CCDC158: variants seen among roughly 807,000 people sequenced by gnomAD.
CCDC158 encodes the protein coiled-coil domain-containing protein 158.
In CCDC158, 116 loss-of-function variants were observed where a neutral mutation model predicts 138.6. That is an observed-to-expected ratio of 0.84 (90% CI 0.72 to 0.98). The LOEUF is 0.98. CCDC158 is among the 50% of genes least tolerant of loss of function. The probability of loss-of-function intolerance (pLI) is 0.00; values close to 1 mark genes in which losing one functional copy is unlikely to be tolerated. For synonymous variants in CCDC158, 436 were observed against 442.4 expected (o/e 0.99, Z 0.18); for missense variants, 1,265 against 1,306.1 (o/e 0.97, Z 0.48).
intron 21 of CCDC158, among the ~76,000 whole-genome samples, chr4:76,330,672 T>C (rs2110099606): frequency 6.6e-6 from 1 of 152,294 alleles, no homozygotes; most frequent in South Asian, 2.1e-4. Flanking sequence ...AACTATACAA[T>C]ATAACAACTA....
intron 4 of CCDC158, among the ~76,000 whole-genome samples, chr4:76,388,573 A>T (rs2137149): frequency 0.63 from 96,099 of 151,974 alleles, 30,810 homozygotes; most frequent in East Asian, 0.79. Context: ...CGCAGTAGAA[A>T]AGAACATAAG....
intron 1 of CCDC158, among the ~76,000 whole-genome samples, chr4:76,419,073 T>G (rs1294491261): frequency 6.6e-6 from 1 of 152,252 alleles, no homozygotes; most frequent in Non-Finnish European, 1.5e-5. Flanking sequence ...CAATAATGAT[T>G]CAGCTAAGGT....
chr4:76,346,127 C>T (rs1180636409), intron 18 of CCDC158, among the ~76,000 whole-genome samples: 1 of 152,150 alleles, frequency 6.6e-6, no homozygotes, highest in African/African-American at 2.4e-5. Flanking sequence ...CCAACAAAAA[C>T]AAGAAATGGG....
intron 19 of CCDC158, among the ~76,000 whole-genome samples, chr4:76,333,415 C>G (rs1222626977): frequency 6.6e-6 from 1 of 152,168 alleles, no homozygotes; most frequent in Non-Finnish European, 1.5e-5. Context: ...AACCCACTCT[C>G]TGAAAGAATA....
At chr4:76,345,342 A>G (rs998297969) in intron 18 of CCDC158, 11 of 1,120,372 alleles carry the variant, frequency 9.8e-6, no homozygotes, top group Middle Eastern at 2.8e-4. Flanking sequence ...TGAGAACTCA[A>G]ACAAAGCTCT....
In CCDC158 at chr4:76,367,983, G is replaced by A. The variant is rs118139781; in HGVS notation, c.1348-207C>T. ...CCAGCCTCAAATGATCTCCTGCTTCGGCCTCCCAAAGTGCTGGGATTTCAG... is the reference window on the plus strand; with the variant it reads ...CCAGCCTCAAATGATCTCCTGCTTCAGCCTCCCAAAGTGCTGGGATTTCAG... On this transcript the variant is annotated intron_variant, in intron 11 of 24. Coordinates refer to ENST00000682701, the MANE Select transcript of CCDC158 (RefSeq NM_001394954.1). Among the ~76,000 whole-genome samples the A allele has an allele frequency of 2.5e-3, 374 of 151,280 alleles. 10 individuals carry two copies. In the East Asian group the frequency reaches 0.065, roughly 26 times the overall value.
Position 76,351,052 on chromosome 4 carries a change from T to C in CCDC158, c.2608A>G (p.Thr870Ala), listed in dbSNP as rs1722992644. Residue 870 changes from threonine to alanine, a missense_variant, in exon 18 of 25, where the codon ACT becomes GCT. Physicochemically the swap from Thr to Ala is moderately conservative, Grantham distance 58 (BLOSUM62 0). Coordinates refer to ENST00000682701, the MANE Select transcript of CCDC158 (RefSeq NM_001394954.1). ...KPRLLQPASVTRSHSNVPSSQ... is the reference protein window; with the variant it reads ...KPRLLQPASVARSHSNVPSSQ... Reference sequence around the variant, plus strand: ...GATGGTACATTAGAATGAGAACGAGTAACAGATGCTGGCTGGAGAAGGCGT... The same window carrying C: ...GATGGTACATTAGAATGAGAACGAGCAACAGATGCTGGCTGGAGAAGGCGT... 3 of 1,613,686 alleles carry C rather than the reference T, an allele frequency of 1.9e-6. No individual in the cohort carries two copies.
chr4:76,409,157 G>A (rs577582803), intron 2 of CCDC158, among the ~76,000 whole-genome samples: 2 of 152,204 alleles, frequency 1.3e-5, no homozygotes, highest in East Asian at 3.9e-4. Flanking sequence ...AATAATATTT[G>A]TAATTCATTT....
chr4:76,410,845 C>A (rs1231084197), intron 2 of CCDC158, among the ~76,000 whole-genome samples: 1 of 152,198 alleles, frequency 6.6e-6, no homozygotes, highest in Non-Finnish European at 1.5e-5. Flanking sequence ...CACACTCTTT[C>A]AAGTCTCTGG....
chr4:76,367,887 G>T, intron 11 of CCDC158, 111 bp from the exon 12 acceptor site: 98 of 926,844 alleles, frequency 1.1e-4, no homozygotes, highest in Non-Finnish European at 1.3e-4. Context: ...GCAATGTTTA[G>T]TAAGATCTTT....
At chr4:76,351,838 T>G in intron 16 of CCDC158, 26 bp from the exon 17 acceptor site, 2 of 1,412,130 alleles carry the variant, frequency 1.4e-6, no homozygotes, top group Non-Finnish European at 2.0e-6. Flanking sequence ...TCATAAATGG[T>G]TTATCTTGCA....
chr4:76,372,856 C>CT (rs149351064), intron 9 of CCDC158, among the ~76,000 whole-genome samples: 31 of 149,128 alleles, frequency 2.1e-4, no homozygotes, highest in African/African-American at 5.2e-4. Context: ...TTCTATAGTT[C>CT]TTTTTTTTTT....
chr4:76,387,804 C>G (rs1168539837), intron 4 of CCDC158, among the ~76,000 whole-genome samples: 2 of 134,380 alleles, frequency 1.5e-5, no homozygotes, highest in African/African-American at 5.6e-5. Context: ...GCCTGGGCGA[C>G]AGAGACAGAC....
chr4:76,345,156 G>A, intron 18 of CCDC158: 1 of 1,057,678 alleles, frequency 9.5e-7, no homozygotes, highest in Non-Finnish European at 1.5e-6. Flanking sequence ...AGAGCCCACA[G>A]TCATCAAAAA....
Position 76,331,397 on chromosome 4 carries a change from G to C in CCDC158, c.2889C>G (p.Asn963Lys), listed in dbSNP as rs746990745. 1 of 1,613,724 alleles carries C rather than the reference G, an allele frequency of 6.2e-7. No homozygotes were observed. Among genetic ancestry groups the C allele is most frequent in the East Asian group, 2.2e-5 (1 of 44,872 alleles). The change falls in exon 21 of 25, where the codon AAC (asparagine) becomes AAG (lysine). Residue 963 changes from asparagine to lysine, a missense_variant. Physicochemically the swap from Asn to Lys is moderately conservative, Grantham distance 94. Transcript: ENST00000682701. Reference sequence around the variant, plus strand: ...CTTCAGTGGAGTCCCTCAACGAGTTGTTGCTTCTGTTGGTAGAGGGATGGG... The same window carrying C: ...CTTCAGTGGAGTCCCTCAACGAGTTCTTGCTTCTGTTGGTAGAGGGATGGG... ...SLRSDMCHRS[N>K]NSLRDSTEGS...
chr4:76,409,451 T>C (rs1277489208), intron 2 of CCDC158, among the ~76,000 whole-genome samples: 2 of 152,188 alleles, frequency 1.3e-5, no homozygotes, highest in African/African-American at 2.4e-5. Flanking sequence ...TGGCCTCTTC[T>C]GACATGCCGA....
intron 18 of CCDC158, among the ~76,000 whole-genome samples, chr4:76,342,539 T>C (rs528257101): frequency 1.3e-5 from 2 of 152,272 alleles, no homozygotes; most frequent in African/African-American, 2.4e-5. Flanking sequence ...ATTAGAATTG[T>C]AAAATAAAGA....
chr4:76,317,433 C>T (rs1719509529), intron 24 of CCDC158, among the ~76,000 whole-genome samples: 1 of 152,034 alleles, frequency 6.6e-6, no homozygotes, highest in East Asian at 1.9e-4. Flanking sequence ...TAAAATATCA[C>T]AATCCTAAAT....
At chr4:76,360,313 G>A (rs1187448901) in intron 13 of CCDC158, among the ~76,000 whole-genome samples, 1 of 152,240 alleles carries the variant, frequency 6.6e-6, no homozygotes, top group Non-Finnish European at 1.5e-5. Context: ...GTAGTGCAGA[G>A]GGGAAATGTG....
Sources: gnomAD v4.1 joint callset for allele counts (sites outside exome capture counted in the v4.1 genomes callset) on GRCh38, gnomAD v4.1.1 for gene constraint, MANE v1.5 for transcripts, NCBI Gene and HGNC (gene_info 2026-07-23, HGNC 2026-07-21) for gene names.